ZNF638: variants seen among roughly 807,000 people sequenced by gnomAD.
The protein encoded by ZNF638 is CTCL tumor antigen se33-1.
In ZNF638, 46 loss-of-function variants were observed where a neutral mutation model predicts 195.6. The ratio of observed to expected loss-of-function variants is 0.24; its 90% CI spans 0.19 to 0.30. The LOEUF is 0.30. Ranked by LOEUF, ZNF638 falls within the 10% of genes least tolerant of loss-of-function variation. The pLI, the probability that ZNF638 is intolerant of heterozygous loss-of-function variation, is 1.00. For synonymous variants in ZNF638, 845 were observed against 772.0 expected, an observed-to-expected ratio of 1.09 and a Z score of -1.57; for missense variants, 2,440 against 2,325.3, an observed-to-expected ratio of 1.05 and a Z score of -1.01.
intron 10 of ZNF638, among the ~76,000 whole-genome samples, chr2:71,394,773 G>C (rs564591511): frequency 1.7e-4 from 26 of 152,310 alleles, no homozygotes; most frequent in South Asian, 1.0e-3. Flanking sequence ...ATCTATTACT[G>C]AATCAGTACA....
intron 2 of ZNF638, among the ~76,000 whole-genome samples, chr2:71,350,791 G>A (rs917518467): frequency 7.2e-5 from 11 of 152,118 alleles, no homozygotes; most frequent in African/African-American, 9.7e-5. Flanking sequence ...TTGAGAAGAA[G>A]CTTTCTAAAA....
At chr2:71,335,419 G>A (rs1431678462) in intron 1 of ZNF638, among the ~76,000 whole-genome samples, 6 of 151,876 alleles carry the variant, frequency 4.0e-5, no homozygotes, top group Non-Finnish European at 8.8e-5. Context: ...TATATTTATT[G>A]TTCATTCAAG....
intron 10 of ZNF638, among the ~76,000 whole-genome samples, chr2:71,386,354 A>G (rs939462250): frequency 4.0e-5 from 6 of 151,390 alleles, no homozygotes; most frequent in African/African-American, 1.5e-4. Flanking sequence ...GTGTATATAT[A>G]CTTTTATTTA....
intron 1 of ZNF638, among the ~76,000 whole-genome samples, chr2:71,338,654 A>G (rs2078712852): frequency 6.7e-6 from 1 of 148,738 alleles, no homozygotes; most frequent in African/African-American, 2.4e-5. Context: ...ATCGTTTTTT[A>G]TTTATTTATT....
chr2:71,365,321 C>A, intron 5 of ZNF638, 108 bp from the exon 6 acceptor site: 1 of 878,878 alleles, frequency 1.1e-6, no homozygotes, highest in Non-Finnish European at 1.7e-6. Flanking sequence ...TTTGTATTGT[C>A]TGTGTGCTCC....
At chr2:71,398,844 T>C (rs2079947277) in intron 12 of ZNF638, 72 bp downstream of exon 12, 2 of 1,312,028 alleles carry the variant, frequency 1.5e-6, no homozygotes, top group Non-Finnish European at 2.2e-6. Flanking sequence ...TAATAATTTT[T>C]AGCATCTAAT....
chr2:71,419,632 C>T lies in ZNF638; in HGVS notation c.3299+993C>T. Among the ~76,000 whole-genome samples, 2 of 152,126 alleles carry T rather than the reference C, an allele frequency of 1.3e-5. 1 individual carries two copies. Among genetic ancestry groups the T allele is most frequent in the Non-Finnish European group, 2.9e-5 (2 of 68,036 alleles). ...TTGTATGTCATACCAGGTGCATTCA[C>T]ATACCTAAGAAATAGTACCACCAGC... On this transcript the variant is annotated intron_variant, in intron 21 of 27. Coordinates refer to ENST00000264447, the MANE Select transcript of ZNF638 (RefSeq NM_014497.5).
At chr2:71,407,299 C>T (rs2080125319) in intron 19 of ZNF638, 2 of 152,110 alleles carry the variant, frequency 1.3e-5, no homozygotes, top group African/African-American at 4.8e-5. Context: ...AGGTGGGGCA[C>T]AGATGGCACA....
chr2:71,382,306 T>G (rs931267143), intron 10 of ZNF638, among the ~76,000 whole-genome samples: 2 of 152,126 alleles, frequency 1.3e-5, no homozygotes, highest in Non-Finnish European at 2.9e-5. Context: ...TACTTGGGAA[T>G]TTTTTTAAGT....
rs537120812 is a variant in ZNF638 at position 71,357,732 on chromosome 2, T to C, written c.1379+1952T>C. Among the ~76,000 whole-genome samples the C allele has an allele frequency of 3.9e-5, 6 of 152,302 alleles. No homozygotes were observed. In the East Asian group the frequency reaches 1.2e-3, roughly 29 times the overall value. ...CATTTGCTTTCCATGCCTGCTACTTTAATGTTCTACTCTATTTTTTAACCA... is the reference window on the plus strand; with the variant it reads ...CATTTGCTTTCCATGCCTGCTACTTCAATGTTCTACTCTATTTTTTAACCA... On this transcript the variant is annotated intron_variant, in intron 3 of 27. Coordinates refer to ENST00000264447, the MANE Select transcript of ZNF638 (RefSeq NM_014497.5).
chr2:71,423,329 C>G lies in ZNF638; in HGVS notation c.3815C>G (p.Ser1272Trp). The G allele has an allele frequency of 1.2e-6, 2 of 1,613,738 alleles. No individual in the cohort carries two copies. The highest frequency in any genetic ancestry group is 1.7e-6 in the Non-Finnish European group (2 of 1,179,972). Residue 1272 changes from serine (S) to tryptophan (W), a missense_variant, in exon 22 of 28, where the codon TCG becomes TGG. This residue lies in a region of ZNF638 where 1,883 missense variants were observed against 1,739.1 expected (regional missense o/e 1.08). Transcript: ENST00000264447. Reference protein sequence around the residue: ...VAEVEKNETVSEILPSTCIVT... With the variant: ...VAEVEKNETVWEILPSTCIVT... Reference sequence around the variant, plus strand: ...GAAGTAGAAAAAAATGAAACTGTTTCGGAAATATTGCCATCAACTTGTATT... The same window carrying G: ...GAAGTAGAAAAAAATGAAACTGTTTGGGAAATATTGCCATCAACTTGTATT...
At chr2:71,352,954 A>G (rs142475746) in intron 2 of ZNF638, among the ~76,000 whole-genome samples, 63 of 152,352 alleles carry the variant, frequency 4.1e-4, no homozygotes, top group Non-Finnish European at 4.6e-4. Flanking sequence ...TAACAGCACA[A>G]CAGAATGGGG....
intron 1 of ZNF638, among the ~76,000 whole-genome samples, chr2:71,344,332 A>G (rs1256497501): frequency 6.6e-6 from 1 of 152,206 alleles, no homozygotes; most frequent in Admixed American, 6.5e-5. Flanking sequence ...ATACAGATGT[A>G]CTATAGTTTA....
intron 1 of ZNF638, among the ~76,000 whole-genome samples, chr2:71,340,440 CAT>C (rs1240435183): frequency 6.6e-6 from 1 of 152,156 alleles, no homozygotes; most frequent in Non-Finnish European, 1.5e-5. Context: ...CACAGAATGA[CAT>C]GTTAGTTTTT....
intron 3 of ZNF638, 76 bp from the exon 4 acceptor site, chr2:71,363,077 A>C: frequency 9.7e-7 from 1 of 1,031,242 alleles, no homozygotes; most frequent in Non-Finnish European, 1.5e-6. Context: ...TCCTTTTGAT[A>C]TATTACAGGT....
At chr2:71,404,367 G>C (rs949466424) in intron 17 of ZNF638, among the ~76,000 whole-genome samples, 2 of 152,026 alleles carry the variant, frequency 1.3e-5, no homozygotes, top group Non-Finnish European at 2.9e-5. Flanking sequence ...TTAACTCAGT[G>C]AGCTTGTTCC....
At chr2:71,404,143 AC>A in intron 17 of ZNF638, 145 bp downstream of exon 17, 1 of 721,628 alleles carries the variant, frequency 1.4e-6, no homozygotes, top group Non-Finnish European at 2.3e-6. Flanking sequence ...TCCAACAATC[AC>A]CCAGTCACCC....
intron 11 of ZNF638, among the ~76,000 whole-genome samples, chr2:71,397,551 A>G (rs2079918685): frequency 6.6e-6 from 1 of 152,178 alleles, no homozygotes; most frequent in Non-Finnish European, 1.5e-5. Flanking sequence ...CCTGTTAGGT[A>G]ATTTTGGCAA....
intron 4 of ZNF638, 93 bp from the exon 5 acceptor site, chr2:71,363,861 A>C: frequency 7.1e-7 from 1 of 1,415,052 alleles, no homozygotes; most frequent in Non-Finnish European, 9.4e-7. Context: ...TATTGTTAAC[A>C]GTCTGTTTTT....
Sources: gnomAD v4.1 joint callset for allele counts (sites outside exome capture counted in the v4.1 genomes callset) on GRCh38, gnomAD v4.1.1 for gene constraint, gnomAD v4.1.1 regional missense constraint, MANE v1.5 for transcripts, NCBI Gene and HGNC (gene_info 2026-07-23, HGNC 2026-07-21) for gene names.